The following TMEM40 variants were observed in gnomAD, a reference collection of about 807,000 sequenced individuals.
TMEM40 encodes the protein transmembrane protein 40.
TMEM40 carries 34 observed loss-of-function variants against 40.8 expected under a neutral mutation model. The observed-to-expected ratio is 0.83, with a 90% CI of 0.63 to 1.11. The LOEUF (loss-of-function observed/expected upper bound fraction) is 1.11, where lower values mean the gene tolerates loss of function less well. Among genes scored for constraint, TMEM40 ranks in the 50% least tolerant of loss-of-function variants. TMEM40 has a pLI of 0.00. For missense variants in TMEM40, 296 were observed against 280.2 expected, an observed-to-expected ratio of 1.06 and a Z score of -0.40; for synonymous variants, 106 against 107.0, an observed-to-expected ratio of 0.99 and a Z score of 0.06.
chr3:12,762,982 AC>A (rs577233875), upstream of TMEM40, among the ~76,000 whole-genome samples: 197 of 152,012 alleles, frequency 1.3e-3, 2 homozygotes, highest in African/African-American at 4.6e-3. Context: ...ACACAGTGAA[AC>A]CCCCGTCTCT....
chr3:12,751,524 C>T (rs549572828), intron 1 of TMEM40, among the ~76,000 whole-genome samples: 2 of 152,054 alleles, frequency 1.3e-5, no homozygotes, highest in South Asian at 2.1e-4. Context: ...GTGATCCGCC[C>T]GCCTTGACCT....
chr3:12,748,138 T>C (rs992643948), intron 3 of TMEM40, among the ~76,000 whole-genome samples: 1 of 152,174 alleles, frequency 6.6e-6, no homozygotes, highest in Admixed American at 6.6e-5. Context: ...AGACTTTACC[T>C]GTATAACGAA....
At chr3:12,743,761 T>C in intron 4 of TMEM40, 139 bp downstream of exon 4, 1 of 740,766 alleles carries the variant, frequency 1.3e-6, no homozygotes. Context: ...GCATCCTTTA[T>C]CTATTCTGCT....
chr3:12,755,824 T>C (rs1454146162), intron 1 of TMEM40, among the ~76,000 whole-genome samples: 13 of 152,170 alleles, frequency 8.5e-5, no homozygotes, highest in Non-Finnish European at 1.9e-4. Context: ...ACTATTGCCA[T>C]ATATTGTGGC....
At chr3:12,751,868 A>T (rs1408673059) in intron 1 of TMEM40, among the ~76,000 whole-genome samples, 1 of 152,164 alleles carries the variant, frequency 6.6e-6, no homozygotes, top group East Asian at 1.9e-4. Context: ...ACCGAAGTTT[A>T]CAAAGTGATG....
At chr3:12,742,624 T>TG in intron 4 of TMEM40, 117 bp from the exon 5 acceptor site, 1 of 1,220,704 alleles carries the variant, frequency 8.2e-7, no homozygotes, top group East Asian at 2.4e-5. Context: ...GGAGGTGAGG[T>TG]GGGGGGCAGT....
intron 5 of TMEM40, among the ~76,000 whole-genome samples, chr3:12,741,637 A>G (rs894371904): frequency 1.3e-5 from 2 of 152,246 alleles, no homozygotes; most frequent in African/African-American, 2.4e-5. Flanking sequence ...TGAATTACTT[A>G]ATGAGAAAAA....
At chr3:12,761,627 G>T (rs1277596408), upstream of TMEM40, among the ~76,000 whole-genome samples, 1 of 151,494 alleles carries the variant, frequency 6.6e-6, no homozygotes, top group African/African-American at 2.4e-5. Context: ...AAAAAGAAAA[G>T]AAAAAAGATA....
At chr3:12,743,778 A>T (rs1191544013) in intron 4 of TMEM40, 122 bp downstream of exon 4, 17 of 889,390 alleles carry the variant, frequency 1.9e-5, no homozygotes. Flanking sequence ...TGCTGCTGTC[A>T]GGCTATTTCC....
chr3:12,745,643 T>C (rs1559528192), intron 3 of TMEM40, among the ~76,000 whole-genome samples: 1 of 152,082 alleles, frequency 6.6e-6, no homozygotes, highest in Admixed American at 6.6e-5. Flanking sequence ...GAGATGGGAT[T>C]TCCCCATGTT....
In TMEM40 at chr3:12,738,163, G is replaced by A. The variant is rs756191439; in HGVS notation, c.397C>T (p.Arg133Ter). The A allele has an allele frequency of 1.7e-5, 27 of 1,613,728 alleles. No homozygotes were observed. The highest frequency in any genetic ancestry group is 3.3e-4 in the Middle Eastern group (2 of 6,080). The change falls in exon 7 of 12, where the codon CGA (arginine) becomes TGA (stop). Residue 133 changes from arginine to a stop codon, truncating the protein, a stop_gained. Transcript: ENST00000314124. LOFTEE classifies it high-confidence loss of function. Reference protein sequence around the residue: ...EVVPSGESGLRRRGSDPASGE... With the variant: ...EVVPSGESGL ...CTTGCTGGGTCAGAGCCTCTCCTTC[G>A]GAGTCCTGGAAACAAGAAACTCAAC...
In TMEM40 at chr3:12,768,919, G is replaced by A. The variant is rs1436143892; in HGVS notation, c.-9+332C>T. Among the ~76,000 whole-genome samples the A allele has an allele frequency of 1.8e-3, 157 of 85,722 alleles. 1 individual carries two copies. The highest frequency in any genetic ancestry group is 8.9e-3 in the African/African-American group (147 of 16,586). 56.2% of individuals were successfully genotyped at this position (85,722 alleles called of 152,430 possible). ...GGGCGGGGCAGGGCGGGCCGGGGCC[G>A]GGGCCGGGGCGGGGCGGGGGGGGCG... On this transcript the variant is annotated intron_variant, in intron 1 of 11. Transcript: ENST00000264728.
chr3:12,767,130 C>T (rs984491661), intron 1 of TMEM40, among the ~76,000 whole-genome samples: 14 of 152,220 alleles, frequency 9.2e-5, no homozygotes, highest in African/African-American at 3.1e-4. Flanking sequence ...TTTTGTGGGA[C>T]ACCTTGAAGC....
chr3:12,738,484 G>A (rs1482835635), intron 6 of TMEM40, 69 bp downstream of exon 6: 1 of 1,544,442 alleles, frequency 6.5e-7, no homozygotes, highest in East Asian at 2.2e-5. Context: ...CTCTCTTGGG[G>A]GAGAGGTGAT....
intron 1 of TMEM40, among the ~76,000 whole-genome samples, chr3:12,755,235 CTTTCTTTCTTTCTTTCTT>C (rs747925910): frequency 2.9e-4 from 15 of 52,570 alleles, no homozygotes; most frequent in African/African-American, 8.8e-4. Context: ...CTCTCTCTCT[CTTTCTTTCTTTCTTTCTT>C]TCTTTCTTTC....
At chr3:12,739,102 A>G in intron 5 of TMEM40, 3 of 158,182 alleles carry the variant, frequency 1.9e-5, no homozygotes, top group Non-Finnish European at 4.2e-5. Flanking sequence ...GCAGTGAGCC[A>G]AGATCACACC....
At chr3:12,763,159 C>CAA (rs536186442), upstream of TMEM40, among the ~76,000 whole-genome samples, 259 of 54,616 alleles carry the variant, frequency 4.7e-3, no homozygotes, top group East Asian at 8.7e-3. Context: ...GACTCTGTCT[C>CAA]AAAAAAAAAA....
intron 1 of TMEM40, among the ~76,000 whole-genome samples, chr3:12,753,211 C>CTTTCTTT (rs1559532113): frequency 3.1e-4 from 24 of 76,312 alleles, no homozygotes; most frequent in African/African-American, 1.3e-3. Flanking sequence ...TTCTTTCTTT[C>CTTTCTTT]TTTTTTTTTT....
chr3:12,768,767 G>A (rs1345006271), intron 1 of TMEM40, among the ~76,000 whole-genome samples: 1 of 152,152 alleles, frequency 6.6e-6, no homozygotes, highest in Admixed American at 6.5e-5. Flanking sequence ...AGGTGGAGCT[G>A]CCTGCCAGTC....
Sources: allele counts gnomAD v4.1 joint callset (sites outside exome capture counted in the v4.1 genomes callset), GRCh38; gene constraint gnomAD v4.1.1; transcripts MANE v1.5; gene names NCBI Gene and HGNC (gene_info 2026-07-23, HGNC 2026-07-21).